The following XKR9 variants were observed in gnomAD, a reference collection of about 807,000 sequenced individuals.
XKR9 encodes XK related 9.
In XKR9, 32 loss-of-function variants were observed where a neutral mutation model predicts 32.0. That is an observed-to-expected ratio of 1.00 (90% CI 0.76 to 1.34). The LOEUF (loss-of-function observed/expected upper bound fraction) is 1.34, where lower values mean the gene tolerates loss of function less well. Among genes scored for constraint, XKR9 ranks in the 40% most tolerant of loss-of-function variants. XKR9 has a pLI of 0.00. For synonymous variants in XKR9, 168 were observed against 143.4 expected (o/e 1.17, Z -1.22); for missense variants, 546 against 429.7 (o/e 1.27, Z -2.39).
In XKR9 at chr8:70,722,704, C is replaced by T. The variant is rs565023150; in HGVS notation, c.494-11092C>T. ...GGGCTTCTCTTTGTAGATGACCTGGCCTTTCTCTCTGGCTGCCCTTAACAT... is the reference window on the plus strand; with the variant it reads ...GGGCTTCTCTTTGTAGATGACCTGGTCTTTCTCTCTGGCTGCCCTTAACAT... On this transcript the variant is annotated intron_variant, in intron 4 of 4. Coordinates refer to ENST00000408926, the MANE Select transcript of XKR9 (RefSeq NM_001011720.2). 6.6e-5 allele frequency among the ~76,000 whole-genome samples: 10 copies of T among 152,154 alleles called. No homozygotes were observed. In the South Asian group the frequency reaches 2.1e-3, roughly 32 times the overall value.
At chr8:71,018,525 A>G in the XKR9 span, among the ~76,000 whole-genome samples, 3 of 152,222 alleles carry the variant, frequency 2.0e-5, no homozygotes, top group African/African-American at 7.2e-5. Context: ...CCCAGGTTAT[A>G]AATAGTGGGG....
At chr8:71,023,211 G>A in the XKR9 span, among the ~76,000 whole-genome samples, 1 of 152,074 alleles carries the variant, frequency 6.6e-6, no homozygotes, top group African/African-American at 2.4e-5. Flanking sequence ...ACTGATTTCT[G>A]CACATCTGGT....
At chr8:70,748,540 G>A (rs1461104072) in intron 2 of XKR9, among the ~76,000 whole-genome samples, 4 of 152,372 alleles carry the variant, frequency 2.6e-5, no homozygotes, top group African/African-American at 9.6e-5. Flanking sequence ...GTACTGACAA[G>A]CGTGGGAGGG....
At chr8:70,691,808 C>A (rs1805080301) in intron 3 of XKR9, among the ~76,000 whole-genome samples, 1 of 152,008 alleles carries the variant, frequency 6.6e-6, no homozygotes, top group Non-Finnish European at 1.5e-5. Flanking sequence ...TTGTTTTGGT[C>A]ATTATAGCCC....
At chr8:70,849,314 C>T in the XKR9 span, among the ~76,000 whole-genome samples, 4 of 152,180 alleles carry the variant, frequency 2.6e-5, no homozygotes, top group Non-Finnish European at 5.9e-5. Context: ...AAGAAACTCA[C>T]TCAAAACTGC....
chr8:70,963,876 T>C, the XKR9 span, among the ~76,000 whole-genome samples: 7 of 152,232 alleles, frequency 4.6e-5, no homozygotes, highest in African/African-American at 1.7e-4. Context: ...TAGACCTTTG[T>C]CAGATGAATT....
the XKR9 span, among the ~76,000 whole-genome samples, chr8:71,022,720 A>G: frequency 3.3e-5 from 5 of 152,168 alleles, no homozygotes; most frequent in Non-Finnish European, 7.4e-5. Flanking sequence ...TTTCTATGCC[A>G]TTGAACTTCT....
chr8:71,046,573 GT>G, the XKR9 span, among the ~76,000 whole-genome samples: 1 of 152,170 alleles, frequency 6.6e-6, no homozygotes, highest in African/African-American at 2.4e-5. Context: ...GCTCATAGGA[GT>G]CAAACAAATT....
At chr8:71,058,178 C>CAAA in the XKR9 span, among the ~76,000 whole-genome samples, 47,101 of 148,898 alleles carry the variant, frequency 0.32, 8,424 homozygotes, top group Non-Finnish European at 0.42. Flanking sequence ...GACTCCGTCT[C>CAAA]AAAAAAAAAA....
chr8:70,882,155 A>G, the XKR9 span, among the ~76,000 whole-genome samples: 1 of 152,120 alleles, frequency 6.6e-6, no homozygotes, highest in African/African-American at 2.4e-5. Context: ...AGAAATACCT[A>G]ATGTAAATGA....
the XKR9 span, among the ~76,000 whole-genome samples, chr8:71,045,511 C>A: frequency 6.6e-6 from 1 of 152,208 alleles, no homozygotes; most frequent in African/African-American, 2.4e-5. Context: ...GGAAGAGAGC[C>A]TTTTCACTTT....
chr8:70,815,404 C>G, the XKR9 span, among the ~76,000 whole-genome samples: 1 of 152,096 alleles, frequency 6.6e-6, no homozygotes, highest in Non-Finnish European at 1.5e-5. Flanking sequence ...CTCCCACTTA[C>G]AAGTGAGAAC....
chr8:71,032,632 A>C, the XKR9 span, among the ~76,000 whole-genome samples: 1 of 152,158 alleles, frequency 6.6e-6, no homozygotes, highest in Non-Finnish European at 1.5e-5. Context: ...GCCTGAGCCA[A>C]TAGGTCTGGA....
chr8:70,745,594 AG>A (rs1419510395), intron 2 of XKR9, among the ~76,000 whole-genome samples: 1 of 152,174 alleles, frequency 6.6e-6, no homozygotes, highest in African/African-American at 2.4e-5. Flanking sequence ...TGTTTAAAAA[AG>A]TTCCCGGATG....
At chr8:71,051,853 G>A in the XKR9 span, among the ~76,000 whole-genome samples, 5 of 152,318 alleles carry the variant, frequency 3.3e-5, 1 homozygote, top group East Asian at 7.7e-4. Context: ...TGCAATGCGT[G>A]AATAATTCAT....
At chr8:70,920,252 C>G in the XKR9 span, among the ~76,000 whole-genome samples, 6 of 152,106 alleles carry the variant, frequency 3.9e-5, no homozygotes, top group African/African-American at 7.2e-5. Flanking sequence ...ATGTCCTTCA[C>G]AGCATCTAAG....
the XKR9 span, among the ~76,000 whole-genome samples, chr8:70,904,522 G>A: frequency 7.9e-5 from 12 of 152,108 alleles, no homozygotes; most frequent in South Asian, 2.1e-4. Flanking sequence ...ATCTCTGCAC[G>A]TGAGATGGGT....
chr8:70,843,635 T>A, the XKR9 span, among the ~76,000 whole-genome samples: 1 of 152,276 alleles, frequency 6.6e-6, no homozygotes, highest in South Asian at 2.1e-4. Flanking sequence ...GATGGGAACC[T>A]GGGGAGGTTC....
At chr8:70,741,286 C>T (rs552831617) in intron 2 of XKR9, among the ~76,000 whole-genome samples, 15 of 152,278 alleles carry the variant, frequency 9.9e-5, no homozygotes, top group African/African-American at 3.6e-4. Context: ...GAAGAGAGAC[C>T]TGAGCTAGCA....
Sources: gnomAD v4.1 joint callset for allele counts (sites outside exome capture counted in the v4.1 genomes callset) on GRCh38, gnomAD v4.1.1 for gene constraint, MANE v1.5 for transcripts, NCBI Gene and HGNC (gene_info 2026-07-23, HGNC 2026-07-21) for gene names.